The following NETO1 variants were observed in gnomAD, a reference collection of about 807,000 sequenced individuals.
NETO1 encodes neuropilin and tolloid like 1, also known as neuropilin and tolloid-like protein 1.
NETO1 carries 26 observed loss-of-function variants against 61.3 expected under a neutral mutation model. The ratio of observed to expected loss-of-function variants is 0.42; its 90% confidence interval spans 0.31 to 0.59. The LOEUF (loss-of-function observed/expected upper bound fraction) is 0.59, where lower values mean the gene tolerates loss of function less well. Among genes scored for constraint, NETO1 ranks in the 20% least tolerant of loss-of-function variants. The probability of loss-of-function intolerance (pLI) is 0.12; values close to 1 mark genes in which losing one functional copy is unlikely to be tolerated. For missense variants in NETO1, 531 were observed against 662.8 expected (o/e 0.80, Z 2.18); for synonymous variants, 225 against 225.8 (o/e 1.00, Z 0.03).
intron 4 of NETO1, among the ~76,000 whole-genome samples, chr18:72,800,538 T>C (rs2072470465): frequency 6.6e-6 from 1 of 152,168 alleles, no homozygotes; most frequent in Admixed American, 6.5e-5. Flanking sequence ...CTCCCAGTGA[T>C]TCTACATTAT....
intron 7 of NETO1, 77 bp from the exon 8 acceptor site, chr18:72,756,224 T>TA (rs951276068): frequency 8.9e-3 from 5,271 of 589,318 alleles, no homozygotes; most frequent in South Asian, 0.013. Flanking sequence ...ATTACAAATC[T>TA]AAAAAAAAAA....
chr18:72,789,661 G>A (rs2072048438), intron 6 of NETO1, among the ~76,000 whole-genome samples: 2 of 152,066 alleles, frequency 1.3e-5, no homozygotes, highest in African/African-American at 4.8e-5. Context: ...CTTTGGTGAG[G>A]GCAGATGAGG....
intron 7 of NETO1, among the ~76,000 whole-genome samples, chr18:72,774,128 C>G (rs2071467381): frequency 6.6e-6 from 1 of 152,054 alleles, no homozygotes; most frequent in Admixed American, 6.5e-5. Flanking sequence ...CAGAAATATG[C>G]TATTCATCAA....
intron 7 of NETO1, among the ~76,000 whole-genome samples, chr18:72,772,460 T>G (rs971545064): frequency 6.6e-6 from 1 of 151,978 alleles, no homozygotes; most frequent in Non-Finnish European, 1.5e-5. Flanking sequence ...GGGGGTACAG[T>G]TTCTCTCCGT....
At position 72,748,897 on chromosome 18, in the gene NETO1, G is replaced by A. The variant is rs2070495835; in HGVS notation, c.*14+117C>T. 3 of 726,562 alleles carry A rather than the reference G, an allele frequency of 4.1e-6. No homozygotes were observed. In the South Asian group the frequency reaches 4.6e-5, roughly 11 times the overall value. 45.0% of individuals were successfully genotyped at this position (726,562 alleles called of 1,614,324 possible). A position where few individuals can be genotyped will look rare whatever the true frequency, so the allele number is the denominator to read the frequency against. ...CGTATTTCTAATTGTGAAATGTCAT[G>A]AAACACATATCTCAAGAAATAATGG... is the stretch of plus-strand genomic sequence containing the variant. On this transcript the variant is annotated intron_variant, in intron 10 of 10. Transcript: ENST00000327305.
intron 6 of NETO1, among the ~76,000 whole-genome samples, chr18:72,792,912 T>A (rs1159113380): frequency 2.0e-5 from 3 of 152,070 alleles, no homozygotes; most frequent in African/African-American, 7.2e-5. Context: ...CAACTTGTCT[T>A]CTTGACAAAA....
chr18:72,756,234 AG>A (rs1221486483), intron 7 of NETO1, 87 bp from the exon 8 acceptor site: 1 of 654,120 alleles, frequency 1.5e-6, no homozygotes, highest in Non-Finnish European at 2.7e-6. Context: ...TAAAAAAAAA[AG>A]ATTAGAATAA....
At position 72,867,331 on chromosome 18, in the gene NETO1, C is replaced by T. The variant is rs999655008; in HGVS notation, c.-40G>A. On this transcript the variant is annotated 5_prime_UTR_variant, in exon 1 of 11. Transcript: ENST00000327305. ...CCAGAGGCTCCGGGCTCCACTAATT[C>T]CATTTAGAGACGGGAAGACTTCCAG... The T allele has an allele frequency of 3.2e-6, 5 of 1,542,280 alleles. No individual in the cohort carries two copies. The highest frequency in any genetic ancestry group is 3.5e-6 in the Non-Finnish European group (4 of 1,142,554).
At chr18:72,834,961 ATAATT>A in intron 4 of NETO1, 1 of 780,070 alleles carries the variant, frequency 1.3e-6, no homozygotes, top group Non-Finnish European at 1.6e-6. Context: ...ATAAAACAAT[ATAATT>A]TAACACAATA....
At chr18:72,797,155 CCTT>C (rs1388096709) in intron 4 of NETO1, among the ~76,000 whole-genome samples, 1 of 152,112 alleles carries the variant, frequency 6.6e-6, no homozygotes, top group African/African-American at 2.4e-5. Flanking sequence ...CTCATTATCT[CCTT>C]CTTGATTAGA....
At chr18:72,785,894 C>T (rs766144199) in intron 6 of NETO1, among the ~76,000 whole-genome samples, 11 of 152,156 alleles carry the variant, frequency 7.2e-5, no homozygotes, top group Non-Finnish European at 1.6e-4. Context: ...CTCCCACTCC[C>T]CAATCGCAGC....
At chr18:72,759,577 C>T (rs1173755410) in intron 7 of NETO1, among the ~76,000 whole-genome samples, 1 of 152,150 alleles carries the variant, frequency 6.6e-6, no homozygotes, top group African/African-American at 2.4e-5. Context: ...AAGACTCTGA[C>T]AAATGTGTTT....
chr18:72,842,644 T>C (rs572080783), intron 4 of NETO1, among the ~76,000 whole-genome samples: 18 of 152,292 alleles, frequency 1.2e-4, no homozygotes, highest in African/African-American at 4.3e-4. Flanking sequence ...AATTGGTGTC[T>C]TTGAGAAGTT....
chr18:72,774,319 T>C (rs1455473530), intron 7 of NETO1, among the ~76,000 whole-genome samples: 1 of 152,232 alleles, frequency 6.6e-6, no homozygotes, highest in African/African-American at 2.4e-5. Flanking sequence ...AGGTGATTTA[T>C]TTGAATGGGC....
At chr18:72,865,154 G>C (rs1473116293) in intron 2 of NETO1, 34 bp downstream of exon 2, 1 of 1,589,044 alleles carries the variant, frequency 6.3e-7, no homozygotes, top group African/African-American at 1.3e-5. Context: ...AATAATTCGA[G>C]GTCTTCCACT....
intron 4 of NETO1, among the ~76,000 whole-genome samples, chr18:72,828,832 C>T (rs934263060): frequency 3.9e-5 from 6 of 152,118 alleles, no homozygotes; most frequent in Non-Finnish European, 8.8e-5. Context: ...ATAAGGTCTA[C>T]TAAGATCTGG....
chr18:72,835,361 T>G (rs1281364647), intron 4 of NETO1: 2 of 1,537,552 alleles, frequency 1.3e-6, no homozygotes, highest in Non-Finnish European at 1.8e-6. Context: ...ATTAGACCAG[T>G]ATATGATCAG....
At chr18:72,782,726 C>T (rs1338092550) in intron 7 of NETO1, among the ~76,000 whole-genome samples, 2 of 152,224 alleles carry the variant, frequency 1.3e-5, no homozygotes, top group East Asian at 3.9e-4. Flanking sequence ...ATCACTTGAA[C>T]CCGGGAGGCA....
intron 4 of NETO1, among the ~76,000 whole-genome samples, chr18:72,803,778 A>C (rs1476350623): frequency 2.0e-5 from 3 of 151,392 alleles, no homozygotes; most frequent in Non-Finnish European, 4.4e-5. Flanking sequence ...CCGAGATCAC[A>C]CCATTGCACT....
Sources: gnomAD v4.1 joint callset for allele counts (sites outside exome capture counted in the v4.1 genomes callset) on GRCh38, gnomAD v4.1.1 for gene constraint, MANE v1.5 for transcripts, NCBI Gene and HGNC (gene_info 2026-07-23, HGNC 2026-07-21) for gene names.